Variants in SAMSN1 observed in about 807,000 individuals in gnomAD.
The protein encoded by SAMSN1 is SAM domain-containing protein SAMSN-1.
SAMSN1 carries 31 observed loss-of-function variants against 42.0 expected under a neutral mutation model. That is an observed-to-expected ratio of 0.74 (90% CI 0.55 to 1.00). SAMSN1 has a LOEUF of 1.00. Among genes scored for constraint, SAMSN1 ranks in the 50% least tolerant of loss-of-function variants. The pLI, the probability that SAMSN1 is intolerant of heterozygous loss-of-function variation, is 0.00. For synonymous variants in SAMSN1, 178 were observed against 151.9 expected, an observed-to-expected ratio of 1.17 and a Z score of -1.26; for missense variants, 464 against 439.4, an observed-to-expected ratio of 1.06 and a Z score of -0.50.
At chr21:14,588,856 A>T (rs976015806) in intron 7 of SAMSN1, among the ~76,000 whole-genome samples, 2 of 140,546 alleles carry the variant, frequency 1.4e-5, no homozygotes, top group Admixed American at 1.4e-4. Flanking sequence ...CAAGTCTCTA[A>T]TTGGTTTTCT....
At chr21:14,607,572 T>A (rs1982598720) in intron 5 of SAMSN1, among the ~76,000 whole-genome samples, 1 of 152,204 alleles carries the variant, frequency 6.6e-6, no homozygotes, top group Non-Finnish European at 1.5e-5. Context: ...ACATGCATGG[T>A]CACTCAAGAC....
chr21:14,516,962 A>ATT lies in SAMSN1; in HGVS notation c.207_208dup (p.Met70LysfsTer2), dbSNP rs760167411. ...CTTCATTGTCCATGAAATAGCTCTC[A>ATT]TTTTTTTACCCAAACCGCCTCCATT... On this transcript the variant is annotated frameshift_variant, in exon 3 of 8. Transcript: ENST00000400566. LOFTEE classifies it high-confidence loss of function. 6.2e-7 allele frequency: 1 copy of ATT among 1,613,210 alleles called. No homozygotes were observed. Among genetic ancestry groups the ATT allele is most frequent in the South Asian group, 1.1e-5 (1 of 91,006 alleles).
chr21:14,631,549 A>G (rs1600974894), intron 2 of SAMSN1, among the ~76,000 whole-genome samples: 1 of 152,052 alleles, frequency 6.6e-6, no homozygotes, highest in South Asian at 2.1e-4. Context: ...TGTATTTTTA[A>G]TAGAGACAGG....
At chr21:14,608,554 C>T (rs1261453269) in intron 5 of SAMSN1, among the ~76,000 whole-genome samples, 7 of 152,136 alleles carry the variant, frequency 4.6e-5, no homozygotes, top group Non-Finnish European at 8.8e-5. Flanking sequence ...GGCTCAAAGC[C>T]AGTGGAACTG....
chr21:14,486,970 G>A (rs985590365), intron 7 of SAMSN1, among the ~76,000 whole-genome samples: 8 of 152,140 alleles, frequency 5.3e-5, no homozygotes, highest in Non-Finnish European at 1.2e-4. Flanking sequence ...TTCCTTTAGC[G>A]TCAACTTTCT....
intron 5 of SAMSN1, among the ~76,000 whole-genome samples, chr21:14,605,910 G>C (rs563755100): frequency 2.6e-5 from 4 of 151,448 alleles, no homozygotes; most frequent in Admixed American, 6.6e-5. Flanking sequence ...GGCGCGATCT[G>C]GGTTCACTGC....
rs563513172 is a variant in SAMSN1 at position 14,544,752 on chromosome 21, G to T, written c.57+1453C>A. Among the ~76,000 whole-genome samples, 23 of 152,182 alleles carry T rather than the reference G, an allele frequency of 1.5e-4. 1 individual carries two copies. In the South Asian group the frequency reaches 2.3e-3, roughly 15 times the overall value. ...GCTCTTAAGCCAAATGATGATGATGGAGTAAAGTATCATTTTGACAATAGT... is the reference window on the plus strand; with the variant it reads ...GCTCTTAAGCCAAATGATGATGATGTAGTAAAGTATCATTTTGACAATAGT... On this transcript the variant is annotated intron_variant, in intron 1 of 7. Coordinates refer to ENST00000400566, the MANE Select transcript of SAMSN1 (RefSeq NM_022136.5).
At chr21:14,513,021 C>T (rs1052866118) in intron 3 of SAMSN1, among the ~76,000 whole-genome samples, 14 of 152,062 alleles carry the variant, frequency 9.2e-5, no homozygotes, top group African/African-American at 3.4e-4. Context: ...TGCATCCTAC[C>T]AGATCACTAG....
chr21:14,626,014 A>C (rs1600971865), intron 2 of SAMSN1, among the ~76,000 whole-genome samples: 1 of 152,228 alleles, frequency 6.6e-6, no homozygotes, highest in Admixed American at 6.5e-5. Flanking sequence ...ACCTGACAAA[A>C]ACAAGCAATG....
chr21:14,582,155 A>G, exon 2 of SAMSN1: 3 of 1,548,886 alleles, frequency 1.9e-6, no homozygotes, highest in South Asian at 1.2e-5. Context: ...TAGGAGATCC[A>G]TATCTGAGCA....
At chr21:14,558,659 TGA>T (rs772357595) in intron 2 of SAMSN1, among the ~76,000 whole-genome samples, 1 of 151,994 alleles carries the variant, frequency 6.6e-6, no homozygotes, top group African/African-American at 2.4e-5. Context: ...CCAGCCTGGG[TGA>T]CAGAGTGAGA....
chr21:14,649,285 G>A (rs13048930), intron 1 of SAMSN1, among the ~76,000 whole-genome samples: 4 of 127,794 alleles, frequency 3.1e-5, no homozygotes, highest in Non-Finnish European at 6.6e-5. Flanking sequence ...GGTGGGGGGA[G>A]GGGGGGAGGG....
upstream of SAMSN1, among the ~76,000 whole-genome samples, chr21:14,584,706 C>A (rs1239180392): frequency 1.3e-5 from 2 of 152,160 alleles, no homozygotes; most frequent in African/African-American, 4.8e-5. Flanking sequence ...TCTCCACCTG[C>A]TTTTGTCTCA....
intron 7 of SAMSN1, among the ~76,000 whole-genome samples, chr21:14,494,887 A>C (rs1006156466): frequency 3.9e-5 from 6 of 152,172 alleles, no homozygotes; most frequent in African/African-American, 1.2e-4. Flanking sequence ...TAAGACTCAC[A>C]TAGGACTTGT....
chr21:14,604,466 C>T (rs1982514911), intron 5 of SAMSN1, among the ~76,000 whole-genome samples: 1 of 152,160 alleles, frequency 6.6e-6, no homozygotes, highest in South Asian at 2.1e-4. Context: ...TATATCCCAG[C>T]TGCTTGGGAC....
intron 2 of SAMSN1, among the ~76,000 whole-genome samples, chr21:14,626,840 T>C (rs1484987283): frequency 6.6e-6 from 1 of 152,122 alleles, no homozygotes; most frequent in African/African-American, 2.4e-5. Context: ...ATGTTTATTG[T>C]GGCACTATTC....
upstream of SAMSN1, among the ~76,000 whole-genome samples, chr21:14,587,912 A>G (rs1477333941): frequency 9.8e-6 from 1 of 101,646 alleles, no homozygotes. Context: ...CCACCCCGCA[A>G]CAGTCCCCAG....
chr21:14,518,276 G>C (rs929991905), intron 2 of SAMSN1, among the ~76,000 whole-genome samples: 1 of 152,158 alleles, frequency 6.6e-6, no homozygotes, highest in Admixed American at 6.6e-5. Flanking sequence ...AACATTACCC[G>C]ATAATATGTT....
chr21:14,564,799 A>G (rs1341525914), intron 2 of SAMSN1, among the ~76,000 whole-genome samples: 1 of 152,124 alleles, frequency 6.6e-6, no homozygotes, highest in African/African-American at 2.4e-5. Context: ...CTAAGACCCA[A>G]GGGAGTATTT....
Sources: gnomAD v4.1 joint callset for allele counts (sites outside exome capture counted in the v4.1 genomes callset) on GRCh38, gnomAD v4.1.1 for gene constraint, MANE v1.5 for transcripts, NCBI Gene and HGNC (gene_info 2026-07-23, HGNC 2026-07-21) for gene names.